The following DDX4 variants were observed in gnomAD, a reference collection of about 807,000 sequenced individuals.
The protein encoded by DDX4 is DEAD-box helicase 4, also known as probable ATP-dependent RNA helicase DDX4.
DDX4 carries 25 observed loss-of-function variants against 100.0 expected under a neutral mutation model. That is an observed-to-expected ratio of 0.25 (90% CI 0.18 to 0.35). The LOEUF is 0.35. DDX4 is among the 10% of genes least tolerant of loss of function. The pLI, the probability that DDX4 is intolerant of heterozygous loss-of-function variation, is 1.00. For missense variants in DDX4, 635 were observed against 882.4 expected, an observed-to-expected ratio of 0.72 and a Z score of 3.55; for synonymous variants, 259 against 275.7, an observed-to-expected ratio of 0.94 and a Z score of 0.60.
chr5:55,752,433 G>C (rs919288251), intron 3 of DDX4, among the ~76,000 whole-genome samples: 31 of 147,414 alleles, frequency 2.1e-4, no homozygotes, highest in Admixed American at 1.8e-3. Flanking sequence ...AATATGCGGT[G>C]TTTGGTTTTT....
At chr5:55,758,450 G>T in intron 3 of DDX4, among the ~76,000 whole-genome samples, 1 of 152,096 alleles carries the variant, frequency 6.6e-6, no homozygotes. Context: ...TTTCCTGGAA[G>T]AGTTGTATGA....
At chr5:55,761,201 A>G (rs1740522959) in intron 4 of DDX4, among the ~76,000 whole-genome samples, 1 of 152,190 alleles carries the variant, frequency 6.6e-6, no homozygotes, top group South Asian at 2.1e-4. Flanking sequence ...AAGCCTGCAT[A>G]TTAAGATGCA....
intron 3 of DDX4, among the ~76,000 whole-genome samples, chr5:55,747,033 T>A (rs1759280776): frequency 6.6e-6 from 1 of 152,078 alleles, no homozygotes. Flanking sequence ...GGAGATCAAA[T>A]GATCATTTGA....
chr5:55,781,397 T>A (rs1741902103), intron 9 of DDX4, among the ~76,000 whole-genome samples: 1 of 152,214 alleles, frequency 6.6e-6, no homozygotes, highest in Non-Finnish European at 1.5e-5. Context: ...TAAAGGATTC[T>A]GAGTTAGGGG....
intron 6 of DDX4, among the ~76,000 whole-genome samples, chr5:55,765,413 A>AAAATATATATATAT (rs1392558099): frequency 6.5e-4 from 54 of 82,966 alleles, no homozygotes; most frequent in Non-Finnish European, 9.4e-4. Flanking sequence ...AAAAAAAAAA[A>AAAATATATATATAT]ATATATATAT....
intron 16 of DDX4, 136 bp from the exon 17 acceptor site, chr5:55,792,505 G>A (rs1742643094): frequency 1.5e-5 from 6 of 387,378 alleles, no homozygotes; most frequent in Admixed American, 9.6e-5. Context: ...GACTACAGGC[G>A]TCCGCCAACA....
chr5:55,748,802 T>G (rs1182231207), intron 3 of DDX4, among the ~76,000 whole-genome samples: 2 of 152,224 alleles, frequency 1.3e-5, no homozygotes, highest in Non-Finnish European at 2.9e-5. Context: ...TGATGTCTAT[T>G]GACTCTGATT....
At chr5:55,745,409 A>C (rs1354625288) in intron 2 of DDX4, among the ~76,000 whole-genome samples, 1 of 151,918 alleles carries the variant, frequency 6.6e-6, no homozygotes, top group African/African-American at 2.4e-5. Context: ...TTATAATGAT[A>C]TTTTATTATA....
intron 2 of DDX4, 78 bp downstream of exon 2, chr5:55,739,110 AT>A: frequency 1.2e-6 from 1 of 855,830 alleles, no homozygotes. Context: ...AGAGTTCTAA[AT>A]TATACAGTCT....
At chr5:55,758,688 CT>C (rs1760091216) in intron 3 of DDX4, among the ~76,000 whole-genome samples, 1 of 151,726 alleles carries the variant, frequency 6.6e-6, no homozygotes, top group Non-Finnish European at 1.5e-5. Context: ...AGTTGTCTTT[CT>C]GTTCTTTGAG....
chr5:55,756,747 A>G (rs1331100287), intron 3 of DDX4, among the ~76,000 whole-genome samples: 2 of 152,152 alleles, frequency 1.3e-5, no homozygotes, highest in African/African-American at 4.8e-5. Flanking sequence ...TGTGTACACT[A>G]ACACTAAATT....
chr5:55,772,278 AT>A (rs1741302376), intron 7 of DDX4, among the ~76,000 whole-genome samples: 1 of 151,942 alleles, frequency 6.6e-6, no homozygotes, highest in Non-Finnish European at 1.5e-5. Context: ...ATCAATATAC[AT>A]TTTTTTTCCA....
At chr5:55,770,237 T>C (rs1394660263) in intron 7 of DDX4, among the ~76,000 whole-genome samples, 2 of 152,232 alleles carry the variant, frequency 1.3e-5, no homozygotes, top group East Asian at 3.9e-4. Context: ...CTCCAGAATG[T>C]GCTATCAATT....
At chr5:55,749,326 A>G (rs2111637356) in intron 3 of DDX4, among the ~76,000 whole-genome samples, 1 of 152,228 alleles carries the variant, frequency 6.6e-6, no homozygotes, top group South Asian at 2.1e-4. Context: ...CAGCTACTCA[A>G]GAGGCTGAGG....
chr5:55,795,705 T>C (rs990240192), intron 17 of DDX4, among the ~76,000 whole-genome samples: 5 of 152,106 alleles, frequency 3.3e-5, no homozygotes, highest in Non-Finnish European at 7.4e-5. Context: ...CCCAGGAAGT[T>C]GAGGCTGCAG....
intron 17 of DDX4, among the ~76,000 whole-genome samples, chr5:55,796,658 G>C (rs559094427): frequency 6.6e-6 from 1 of 151,870 alleles, no homozygotes; most frequent in Non-Finnish European, 1.5e-5. Context: ...ATTTCCTCTT[G>C]GCTGAGAAAG....
At chr5:55,766,786 T>A in intron 6 of DDX4, 1 of 809,870 alleles carries the variant, frequency 1.2e-6, no homozygotes, top group Non-Finnish European at 1.8e-6. Flanking sequence ...ATATTAATGA[T>A]ATGTACAAAG....
chr5:55,799,384 T>C (rs1743160871), intron 18 of DDX4, among the ~76,000 whole-genome samples: 1 of 152,160 alleles, frequency 6.6e-6, no homozygotes, highest in South Asian at 2.1e-4. Flanking sequence ...TTTATTATTT[T>C]TAATTTTTTG....
chr5:55,805,915 G>T (rs1188891643), intron 18 of DDX4, among the ~76,000 whole-genome samples: 3 of 152,176 alleles, frequency 2.0e-5, no homozygotes, highest in African/African-American at 7.2e-5. Context: ...GCTCCTCCTT[G>T]TACCTCTGGT....
Sources: allele counts gnomAD v4.1 joint callset (sites outside exome capture counted in the v4.1 genomes callset), GRCh38; gene constraint gnomAD v4.1.1; transcripts MANE v1.5; gene names NCBI Gene and HGNC (gene_info 2026-07-23, HGNC 2026-07-21).